PCDHGB5: variants seen among roughly 807,000 people sequenced by gnomAD.
PCDHGB5 encodes the protein protocadherin gamma-B5.
Under a neutral mutation model 62.9 loss-of-function variants are expected in PCDHGB5, and 48 were observed. The ratio of observed to expected loss-of-function variants is 0.76; its 90% CI spans 0.61 to 0.97. PCDHGB5 has a LOEUF of 0.97. Ranked by LOEUF, PCDHGB5 falls within the 50% of genes least tolerant of loss-of-function variation. The pLI is 0.00. For missense variants in PCDHGB5, 1,118 were observed against 1,198.6 expected, an observed-to-expected ratio of 0.93 and a Z score of 0.99; for synonymous variants, 474 against 511.2, an observed-to-expected ratio of 0.93 and a Z score of 0.98.
chr5:141,451,521 T>A (rs1164313767), intron 1 of PCDHGB5, among the ~76,000 whole-genome samples: 2 of 152,148 alleles, frequency 1.3e-5, no homozygotes, highest in African/African-American at 4.8e-5. Flanking sequence ...TTAGAGCAAG[T>A]AAAGGAGAGT....
rs2097721634 is a variant in PCDHGB5, at chr5:141,434,835, A to G, written c.2397+34311A>G. On this transcript the variant is annotated intron_variant, in intron 1 of 3. Coordinates refer to ENST00000617380, the MANE Select transcript of PCDHGB5 (RefSeq NM_018925.3). ...ATATCCCTTAGTACACTTGGCATTT[A>G]TAAAGCAGACATCAATAAATTTATA... 2.0e-5 allele frequency among the ~76,000 whole-genome samples: 3 copies of G among 151,972 alleles called. 1 individual carries two copies. In the South Asian group the frequency reaches 6.2e-4, roughly 32 times the overall value.
At position 141,405,406 on chromosome 5, in the gene PCDHGB5, T is replaced by C. The variant is rs750140674; in HGVS notation, c.2397+4882T>C. On this transcript the variant is annotated intron_variant, in intron 1 of 3. Coordinates refer to ENST00000617380, the MANE Select transcript of PCDHGB5 (RefSeq NM_018925.3). ...GTTCATTTTTTTTCTTTCTTTCTTTTCTTTTTTTGTTTTTTGTTTTGTTTT... is the reference window on the plus strand; with the variant it reads ...GTTCATTTTTTTTCTTTCTTTCTTTCCTTTTTTTGTTTTTTGTTTTGTTTT... 1.2e-5 allele frequency: 19 copies of C among 1,584,070 alleles called. No individual in the cohort carries two copies. The Admixed American group carries it at 1.2e-4, about 10-fold the overall frequency.
chr5:141,400,172 C>G lies in PCDHGB5; in HGVS notation c.2045C>G (p.Ala682Gly). 1 of 1,614,082 alleles carries G rather than the reference C, an allele frequency of 6.2e-7. No homozygotes were observed. The highest frequency in any genetic ancestry group is 8.5e-7 in the Non-Finnish European group (1 of 1,179,904). The change falls in exon 1 of 4, where the codon GCT becomes GGT. Residue 682 changes from alanine to glycine, a missense_variant. Ala to Gly is a moderately conservative substitution (Grantham distance 60). Coordinates refer to ENST00000617380, the MANE Select transcript of PCDHGB5 (RefSeq NM_018925.3). The part of the protein sequence containing the change: ...TDRPVPSDPQ[A>G]ELQFYLVVAL... ...CGCCCTGTACCCTCTGACCCCCAGGCTGAGCTGCAGTTTTACCTAGTGGTG... is the reference window on the plus strand; with the variant it reads ...CGCCCTGTACCCTCTGACCCCCAGGGTGAGCTGCAGTTTTACCTAGTGGTG...
intron 2 of PCDHGB5, among the ~76,000 whole-genome samples, chr5:141,498,555 C>T (rs2099784323): frequency 6.6e-6 from 1 of 152,032 alleles, no homozygotes; most frequent in South Asian, 2.1e-4. Flanking sequence ...GACACACCAG[C>T]TTCAAAGCAG....
rs1200487646 is a variant in PCDHGB5, at chr5:141,410,571, C to T, written c.2397+10047C>T. 3 of 1,612,028 alleles carry T rather than the reference C, an allele frequency of 1.9e-6. No homozygotes were observed. The highest frequency in any genetic ancestry group is 2.5e-6 in the Non-Finnish European group (3 of 1,179,884). On this transcript the variant is annotated intron_variant, in intron 1 of 3. Coordinates refer to ENST00000617380, the MANE Select transcript of PCDHGB5 (RefSeq NM_018925.3). The stretch of plus-strand genomic sequence containing the variant: ...AGTGTTTCTCCTGGAGCCTTAATTC[C>T]ACCTCATGGTGGGGAGGATTTGACT...
chr5:141,502,661 T>G (rs1440361647), intron 2 of PCDHGB5, among the ~76,000 whole-genome samples: 1 of 152,240 alleles, frequency 6.6e-6, no homozygotes. Flanking sequence ...CAACCCTTCA[T>G]GCAATTTTAG....
chr5:141,400,092 G>T lies in PCDHGB5; in HGVS notation c.1965G>T (p.Thr655=). ...GGQPPLSATA[T]LHLVFADSLQ... is the part of the protein sequence containing the mutation. ...AGCCGCCACTCTCCGCCACCGCCAC[G>T]CTGCACTTGGTCTTTGCTGACAGCT... The change falls in exon 1 of 4, where the codon ACG becomes ACT. Residue 655 remains threonine, a synonymous_variant. Coordinates refer to ENST00000617380, the MANE Select transcript of PCDHGB5 (RefSeq NM_018925.3). 6.2e-7 allele frequency: 1 copy of T among 1,614,060 alleles called. No individual in the cohort carries two copies. The highest frequency in any genetic ancestry group is 8.5e-7 in the Non-Finnish European group (1 of 1,179,890).
At chr5:141,446,202 G>T (rs780900822) in intron 1 of PCDHGB5, among the ~76,000 whole-genome samples, 13 of 152,094 alleles carry the variant, frequency 8.5e-5, no homozygotes, top group Non-Finnish European at 1.8e-4. Context: ...ATATTCCTAG[G>T]TGTCTGAAAA....
chr5:141,423,131 A>C (rs370773437), intron 1 of PCDHGB5: 1 of 1,613,538 alleles, frequency 6.2e-7, no homozygotes. Flanking sequence ...GCACTGCTGG[A>C]CAGAGACGCG....
At chr5:141,438,763 G>C (rs537316602) in intron 1 of PCDHGB5, among the ~76,000 whole-genome samples, 1 of 149,962 alleles carries the variant, frequency 6.7e-6, no homozygotes, top group South Asian at 2.1e-4. Context: ...CTGGGTTCAA[G>C]CGATTCTCCT....
At position 141,486,927 on chromosome 5, in the gene PCDHGB5, G is replaced by A; in HGVS notation, c.2398-7880G>A. ...CCCCAAGCACTGCCTCCATCAGTTG[G>A]TGCTGGCCACCTAATCACAAAGGTG... On this transcript the variant is annotated intron_variant, in intron 1 of 3. Transcript: ENST00000617380. The surrounding 1 kb of genome is among the most constrained non-coding windows in gnomAD (Gnocchi z 5.0). 4 of 1,614,226 alleles carry A rather than the reference G, an allele frequency of 2.5e-6. No individual in the cohort carries two copies. Among genetic ancestry groups the A allele is most frequent in the Non-Finnish European group, 3.4e-6 (4 of 1,180,046 alleles).
At position 141,476,813 on chromosome 5, in the gene PCDHGB5, A is replaced by G. The variant is rs749333814; in HGVS notation, c.2398-17994A>G. The G allele has an allele frequency of 6.8e-6, 11 of 1,613,548 alleles. No individual in the cohort carries two copies. Among genetic ancestry groups the G allele is most frequent in the Non-Finnish European group, 9.3e-6 (11 of 1,180,022 alleles). On this transcript the variant is annotated intron_variant, in intron 1 of 3. Transcript: ENST00000617380. The surrounding 1 kb of genome is among the most constrained non-coding windows in gnomAD (Gnocchi z 7.6). ...CTCCGCCAGCCTGCCTATTCACATC[A>G]AGGTGCTGGACGCGAATGACAATGC...
At chr5:141,449,436 A>T (rs1177598228) in intron 1 of PCDHGB5, among the ~76,000 whole-genome samples, 1 of 151,792 alleles carries the variant, frequency 6.6e-6, no homozygotes, top group African/African-American at 2.4e-5. Flanking sequence ...ATAAAACTCC[A>T]TCTCTACTAA....
intron 1 of PCDHGB5, among the ~76,000 whole-genome samples, chr5:141,460,369 T>C (rs1048970945): frequency 2.1e-4 from 32 of 152,322 alleles, no homozygotes; most frequent in African/African-American, 7.7e-4. Flanking sequence ...AGTTTTATAG[T>C]TTTACCATTT....
At chr5:141,460,047 C>T (rs2098981053) in intron 1 of PCDHGB5, among the ~76,000 whole-genome samples, 1 of 152,102 alleles carries the variant, frequency 6.6e-6, no homozygotes. Context: ...CACTGCACTC[C>T]AGCCTGGGCA....
intron 1 of PCDHGB5, among the ~76,000 whole-genome samples, chr5:141,401,668 A>G (rs2094180828): frequency 6.6e-6 from 1 of 152,254 alleles, no homozygotes; most frequent in Non-Finnish European, 1.5e-5. Flanking sequence ...TTTTCTCAAC[A>G]TCCTTGTAGG....
chr5:141,425,478 G>A (rs2096877750), intron 1 of PCDHGB5, among the ~76,000 whole-genome samples: 1 of 152,148 alleles, frequency 6.6e-6, no homozygotes, highest in Admixed American at 6.5e-5. Flanking sequence ...AATTCCTATG[G>A]CAACCTACTA....
intron 1 of PCDHGB5, among the ~76,000 whole-genome samples, chr5:141,454,796 A>ATTTTTTTTTTTTTTTTTTTTTTTTTTT (rs61612330): frequency 3.9e-5 from 3 of 77,408 alleles, no homozygotes; most frequent in Admixed American, 1.8e-4. Flanking sequence ...CATGGTTCTA[A>ATTTTTTTTTTTTTTTTTTTTTTTTTTT]TTTTTTTTTT....
At position 141,487,254 on chromosome 5, in the gene PCDHGB5, C is replaced by T. The variant is rs1341564301; in HGVS notation, c.2398-7553C>T. On this transcript the variant is annotated intron_variant, in intron 1 of 3. Coordinates refer to ENST00000617380, the MANE Select transcript of PCDHGB5 (RefSeq NM_018925.3). The surrounding 1 kb of genome is among the most constrained non-coding windows in gnomAD (Gnocchi z 5.0). Reference sequence around the variant, plus strand: ...GAATCTCGTCTAACCCTCTACTTGGCTGTGTCCCTAGTGGCAATTTGCTTT... The same window carrying T: ...GAATCTCGTCTAACCCTCTACTTGGTTGTGTCCCTAGTGGCAATTTGCTTT... The T allele has an allele frequency of 1.2e-6, 2 of 1,614,126 alleles. No homozygotes were observed. Among genetic ancestry groups the T allele is most frequent in the East Asian group, 4.5e-5 (2 of 44,860 alleles).
Sources: gnomAD v4.1 joint callset for allele counts (sites outside exome capture counted in the v4.1 genomes callset) on GRCh38, gnomAD v4.1.1 for gene constraint, Gnocchi (gnomAD v3.1) non-coding constraint, MANE v1.5 for transcripts, NCBI Gene and HGNC (gene_info 2026-07-23, HGNC 2026-07-21) for gene names.